ZNF142: variants seen among roughly 807,000 people sequenced by gnomAD.
The protein encoded by ZNF142 is zinc finger protein 142, also known as zinc finger protein 142 (clone pHZ-49).
ZNF142 carries 96 observed loss-of-function variants against 132.1 expected under a neutral mutation model. The observed-to-expected ratio is 0.73, with a 90% CI of 0.62 to 0.86. The LOEUF is 0.86. ZNF142 is among the 40% of genes least tolerant of loss of function. ZNF142 has a pLI of 0.00. For missense variants in ZNF142, 2,163 were observed against 2,336.2 expected (o/e 0.93, Z 1.53); for synonymous variants, 842 against 890.1 (o/e 0.95, Z 0.96).
rs1403632685 is a variant in ZNF142, at chr2:218,637,942, A to T, written c.*397T>A. 3.6e-5 allele frequency: 6 copies of T among 164,866 alleles called. No individual in the cohort carries two copies. The highest frequency in any genetic ancestry group is 5.2e-5 in the Non-Finnish European group (4 of 76,996). 10.2% of individuals were successfully genotyped at this position (164,866 alleles called of 1,614,324 possible). On this transcript the variant is annotated 3_prime_UTR_variant, in exon 11 of 11. Transcript: ENST00000411696. ...TTCTGTTTAACATGCTTTATAGAGC[A>T]TTAGGCACAACAGCACATGCGGTTA...
Position 218,644,556 on chromosome 2 carries a change from G to C in ZNF142, c.2560C>G (p.Gln854Glu). ...TCCTCACTCATCTCTGGCAGGGCCT[G>C]GTCCAAGCTGGGGTCCACCACAGTC... ...PGTVVDPSLDQALPEMSEEVN... is the reference protein window; with the variant it reads ...PGTVVDPSLDEALPEMSEEVN... Residue 854 changes from glutamine to glutamate, a missense_variant, in exon 9 of 11, where the codon CAG (glutamine) becomes GAG (glutamate). By Grantham distance (29) the Gln-to-Glu change is conservative. Transcript: ENST00000411696. This position sits in a 1 kb window ranked among gnomAD's most constrained non-coding sequence, Gnocchi z 4.6. The C allele has an allele frequency of 6.2e-7, 1 of 1,614,094 alleles. No individual in the cohort carries two copies. Among genetic ancestry groups the C allele is most frequent in the African/African-American group, 1.3e-5 (1 of 75,046 alleles).
In ZNF142 at chr2:218,636,428, A is replaced by G; in HGVS notation, c.*1911T>C. 1 of 1,613,986 alleles carries G rather than the reference A, an allele frequency of 6.2e-7. No individual in the cohort carries two copies. The highest frequency in any genetic ancestry group is 1.1e-5 in the South Asian group (1 of 91,084). On this transcript the variant is annotated 3_prime_UTR_variant, in exon 11 of 11. Transcript: ENST00000411696. ...CCCTTTGGCCCCTGGCCAATACCCC[A>G]GCTCTGGCTGCCTTCCTAATGCTGT...
intron 4 of ZNF142, among the ~76,000 whole-genome samples, chr2:218,652,860 T>C (rs901473268): frequency 6.6e-6 from 1 of 152,100 alleles, no homozygotes. Context: ...GACAACAAGG[T>C]CCTGAGATTC....
intron 8 of ZNF142, 126 bp from the exon 9 acceptor site, chr2:218,645,190 C>G: frequency 8.1e-7 from 1 of 1,231,126 alleles, no homozygotes; most frequent in Non-Finnish European, 1.1e-6. Flanking sequence ...CTGATGTAAC[C>G]CTCCTTTTCA....
intron 3 of ZNF142, among the ~76,000 whole-genome samples, chr2:218,657,619 G>A (rs1195569515): frequency 6.6e-6 from 1 of 152,086 alleles, no homozygotes; most frequent in Non-Finnish European, 1.5e-5. Flanking sequence ...TAGTAGAGAT[G>A]GGGTTTCTCC....
Position 218,650,442 on chromosome 2 carries a change from T to A in ZNF142, c.965A>T (p.Asn322Ile), listed in dbSNP as rs1575077982. ...GTCACTCTTCTCTTCTTTCTCTACATTCTCCTCTTCAGCTGTCTCCTGCCC... is the reference window on the plus strand; with the variant it reads ...GTCACTCTTCTCTTCTTTCTCTACAATCTCCTCTTCAGCTGTCTCCTGCCC... ...LPGQETAEEE[N>I]VEKEEKSDTQ... is the part of the protein sequence containing the mutation. Residue 322 changes from asparagine (N) to isoleucine (I), a missense_variant, in exon 6 of 11, where the codon AAT becomes ATT. By Grantham distance (149) the Asn-to-Ile change is moderately radical (BLOSUM62 -3). This residue lies in a region of ZNF142 where 749 missense variants were observed against 830.3 expected (regional missense o/e 0.90). Coordinates refer to ENST00000411696, the MANE Select transcript of ZNF142 (RefSeq NM_001379659.1). 1 of 1,614,214 alleles carries A rather than the reference T, an allele frequency of 6.2e-7. No individual in the cohort carries two copies. The highest frequency in any genetic ancestry group is 1.1e-5 in the South Asian group (1 of 91,086).
rs1937746850 is a variant in ZNF142, at chr2:218,649,235, G to A, written c.1273C>T (p.His425Tyr). Residue 425 changes from histidine (H) to tyrosine (Y), a missense_variant, in exon 7 of 11, where the codon CAC (histidine) becomes TAC (tyrosine). His to Tyr is a moderately conservative substitution (Grantham distance 83). Coordinates refer to ENST00000411696, the MANE Select transcript of ZNF142 (RefSeq NM_001379659.1). ...GEKAHHCPLC[H>Y]YSAVERNALN... The stretch of plus-strand genomic sequence containing the variant: ...GCATTCCTCTCCACCGCACTGTAGT[G>A]GCACAGTGGGCAGTGGTGGGCCTTT... 1.9e-6 allele frequency: 3 copies of A among 1,614,184 alleles called. No homozygotes were observed. The highest frequency in any genetic ancestry group is 8.5e-7 in the Non-Finnish European group (1 of 1,180,036).
In ZNF142 at chr2:218,644,834, C is replaced by T; in HGVS notation, c.2282G>A (p.Ser761Asn). Reference protein sequence around the residue: ...YQSRHKQAVLSHENCKHTRLR... With the variant: ...YQSRHKQAVLNHENCKHTRLR... ...GCGGGTATGCTTGCAGTTCTCATGG[C>T]TCAGCACAGCCTGCTTGTGGCGGCT... The change falls in exon 9 of 11, where the codon AGC becomes AAC. Residue 761 changes from serine (S) to asparagine (N), a missense_variant. Coordinates refer to ENST00000411696, the MANE Select transcript of ZNF142 (RefSeq NM_001379659.1). This position sits in a 1 kb window ranked among gnomAD's most constrained non-coding sequence, Gnocchi z 4.6. 1 of 1,614,224 alleles carries T rather than the reference C, an allele frequency of 6.2e-7. No homozygotes were observed.
At chr2:218,649,783 T>C (rs1937807774) in intron 6 of ZNF142, among the ~76,000 whole-genome samples, 1 of 152,116 alleles carries the variant, frequency 6.6e-6, no homozygotes, top group South Asian at 2.1e-4. Context: ...CCTTGTTCTA[T>C]GGGGGCAGGC....
At chr2:218,649,734 C>T (rs1937805729) in intron 6 of ZNF142, among the ~76,000 whole-genome samples, 1 of 152,184 alleles carries the variant, frequency 6.6e-6, no homozygotes, top group Admixed American at 6.5e-5. Context: ...TTTAGAGCTG[C>T]TTAAAATAAT....
chr2:218,633,909 G>C lies in ZNF142; in HGVS notation c.*4430C>G. ...ACTCCTTAGAGCAGACAAGGGCAGA[G>C]GAGTTATGAATAGTGGCTCAAGGGT... On this transcript the variant is annotated 3_prime_UTR_variant, in exon 11 of 11. Transcript: ENST00000411696. 2.5e-6 allele frequency: 3 copies of C among 1,220,264 alleles called. No individual in the cohort carries two copies. The highest frequency in any genetic ancestry group is 3.5e-6 in the Non-Finnish European group (3 of 864,938). 75.6% of individuals were successfully genotyped at this position (1,220,264 alleles called of 1,614,324 possible).
At position 218,656,329 on chromosome 2, in the gene ZNF142, C is replaced by T. The variant is rs749430162; in HGVS notation, c.101G>A (p.Arg34His). 154 of 1,598,578 alleles carry T rather than the reference C, an allele frequency of 9.6e-5. No individual in the cohort carries two copies. Among genetic ancestry groups the T allele is most frequent in the Non-Finnish European group, 1.1e-4 (131 of 1,170,884 alleles). ...LLLIPPPLSN[R>H]GILGPVQSPC... ...GCTCTGGACAGGCCCCAGGATTCCA[C>T]GGTTAGAGAGAGGCGGGGGGATCAG... Residue 34 changes from arginine (R) to histidine (H), a missense_variant, in exon 4 of 11, where the codon CGT becomes CAT. Physicochemically the swap from Arg to His is conservative, Grantham distance 29. Around this residue, in one of 7 missense-constraint regions of ZNF142, gnomAD observed 195 missense variants for 172.4 expected, o/e 1.13. Coordinates refer to ENST00000411696, the MANE Select transcript of ZNF142 (RefSeq NM_001379659.1).
rs1937709464 is a variant in ZNF142 at position 218,648,979 on chromosome 2, G to A, written c.1529C>T (p.Thr510Ile). 1 of 1,612,148 alleles carries A rather than the reference G, an allele frequency of 6.2e-7. No individual in the cohort carries two copies. Among genetic ancestry groups the A allele is most frequent in the South Asian group, 1.1e-5 (1 of 91,090 alleles). ...GCACTCCACAGCCCGCACCCCATGG[G>A]TCTCCTTCAGGTGCTTAATGAAGGC... The part of the protein sequence containing the change: ...RKAFIKHLKE[T>I]HGVRAVECRH... Residue 510 changes from threonine to isoleucine, a missense_variant, in exon 7 of 11, where the codon ACC becomes ATC. By Grantham distance (89) the Thr-to-Ile change is moderately conservative. Around this residue, in one of 7 missense-constraint regions of ZNF142, gnomAD observed 749 missense variants for 830.3 expected, o/e 0.90. Coordinates refer to ENST00000411696, the MANE Select transcript of ZNF142 (RefSeq NM_001379659.1).
rs1471596398 is a variant in ZNF142 at position 218,637,338 on chromosome 2, G to GA, written c.*1000dup. Among the ~76,000 whole-genome samples, 1 of 152,208 alleles carries GA rather than the reference G, an allele frequency of 6.6e-6. No individual in the cohort carries two copies. On this transcript the variant is annotated 3_prime_UTR_variant, in exon 11 of 11. Transcript: ENST00000411696. ...GAAGGACACAGAGTATGGCTTTTAA[G>GA]AATCAGGGCAAAAGCAGACAAAAGG... is the stretch of plus-strand genomic sequence containing the variant.
intron 4 of ZNF142, among the ~76,000 whole-genome samples, chr2:218,654,755 C>G (rs1205074832): frequency 6.6e-6 from 1 of 150,538 alleles, no homozygotes; most frequent in Non-Finnish European, 1.5e-5. Flanking sequence ...TTCTTTAGAG[C>G]ATTGCACATA....
chr2:218,643,332 G>A lies in ZNF142; in HGVS notation c.3784C>T (p.Pro1262Ser). The A allele has an allele frequency of 6.2e-7, 1 of 1,614,184 alleles. No individual in the cohort carries two copies. Among genetic ancestry groups the A allele is most frequent in the African/African-American group, 1.3e-5 (1 of 75,060 alleles). Residue 1262 changes from proline to serine, a missense_variant, in exon 9 of 11, where the codon CCC becomes TCC. By Grantham distance (74) the Pro-to-Ser change is moderately conservative. Transcript: ENST00000411696. ...GRGGGGKRGT[P>S]QTQPDVSPLS... ...GGGGACACATCAGGCTGGGTCTGGG[G>A]GGTCCCTCGTTTTCCTCCCCCGCCA... is the stretch of plus-strand genomic sequence containing the variant.
At chr2:218,654,694 T>C (rs1938323728) in intron 4 of ZNF142, among the ~76,000 whole-genome samples, 1 of 152,166 alleles carries the variant, frequency 6.6e-6, no homozygotes, top group Non-Finnish European at 1.5e-5. Flanking sequence ...GGAATTTATT[T>C]CTTTGCTAGT....
In ZNF142 at chr2:218,642,670, G is replaced by A. The variant is rs1697323079; in HGVS notation, c.4446C>T (p.Gly1482=). The change falls in exon 9 of 11, where the codon GGC becomes GGT. Residue 1482 remains glycine, a synonymous_variant. Transcript: ENST00000411696. The surrounding 1 kb of genome is among the most constrained non-coding windows in gnomAD (Gnocchi z 4.6). ...ACTGGGAGCAGGCAAAGGCTGGGGTGCCTTGGTGGCAGCTGTTGACATGAC... is the reference window on the plus strand; with the variant it reads ...ACTGGGAGCAGGCAAAGGCTGGGGTACCTTGGTGGCAGCTGTTGACATGAC... ...ITRHVNSCHQ[G]TPAFACSQCE... 6.2e-7 allele frequency: 1 copy of A among 1,614,156 alleles called. No homozygotes were observed. The highest frequency in any genetic ancestry group is 2.2e-5 in the East Asian group (1 of 44,890).
chr2:218,638,826 A>G lies in ZNF142; in HGVS notation c.5195-18T>C. The stretch of plus-strand genomic sequence containing the variant: ...CTTCAGTCCTACAGGACAGGGAACA[A>G]ATCACCATTGAAAGGCGGTGGAGCA... On this transcript the variant is annotated intron_variant, in intron 10 of 10. Coordinates refer to ENST00000411696, the MANE Select transcript of ZNF142 (RefSeq NM_001379659.1). 6.4e-7 allele frequency: 1 copy of G among 1,566,900 alleles called. No homozygotes were observed.
Sources: allele counts gnomAD v4.1 joint callset (sites outside exome capture counted in the v4.1 genomes callset), GRCh38; gene constraint gnomAD v4.1.1; regional missense constraint gnomAD v4.1.1; non-coding constraint Gnocchi (gnomAD v3.1); transcripts MANE v1.5; gene names NCBI Gene and HGNC (gene_info 2026-07-23, HGNC 2026-07-21).